Variants in UNC13C observed in about 807,000 individuals in gnomAD.
The protein encoded by UNC13C is unc-13 homolog C, also known as protein unc-13 homolog C.
UNC13C carries 174 observed loss-of-function variants against 245.4 expected under a neutral mutation model. That is an observed-to-expected ratio of 0.71 (90% confidence interval 0.63 to 0.80). The LOEUF is 0.80. Ranked by LOEUF, UNC13C falls within the 30% of genes least tolerant of loss-of-function variation. The pLI, the probability that UNC13C is intolerant of heterozygous loss-of-function variation, is 0.00. For missense variants in UNC13C, 2,829 were observed against 2,602.9 expected (o/e 1.09, Z -1.89); for synonymous variants, 992 against 895.1 (o/e 1.11, Z -1.93).
chr15:54,322,664 A>G (rs1296580323), intron 14 of UNC13C, among the ~76,000 whole-genome samples: 2 of 152,038 alleles, frequency 1.3e-5, no homozygotes, highest in Admixed American at 1.3e-4. Context: ...CAGGGAATCA[A>G]AGGAGCCCCA....
At chr15:53,938,793 T>G in the UNC13C span, among the ~76,000 whole-genome samples, 1 of 152,250 alleles carries the variant, frequency 6.6e-6, no homozygotes, top group South Asian at 2.1e-4. Context: ...AATCAAGAAG[T>G]TTGTTTGTAC....
At chr15:54,426,809 T>C (rs1474275832) in intron 19 of UNC13C, among the ~76,000 whole-genome samples, 1 of 151,802 alleles carries the variant, frequency 6.6e-6, no homozygotes, top group Non-Finnish European at 1.5e-5. Flanking sequence ...GTACATCAAT[T>C]TATTCTTCTG....
Position 54,332,043 on chromosome 15 carries a change from A to T in UNC13C, c.4426A>T (p.Arg1476Trp). Reference sequence around the variant, plus strand: ...CCTATTTTGTGTTTGCTTTGTACAGAGGGAAAAATTCATAAAACTACTGGA... The same window carrying T: ...CCTATTTTGTGTTTGCTTTGTACAGTGGGAAAAATTCATAAAACTACTGGA... ...SDRFAATNFG[R>W]EKFIKLLDQL... Residue 1476 changes from arginine (R) to tryptophan (W), a missense_variant and splice_region_variant, in exon 15 of 33, where the codon AGG becomes TGG. By Grantham distance (101) the Arg-to-Trp change is moderately radical. Coordinates refer to ENST00000260323, the MANE Select transcript of UNC13C (RefSeq NM_001080534.3). 6.3e-6 allele frequency: 10 copies of T among 1,575,808 alleles called. No homozygotes were observed. Among genetic ancestry groups the T allele is most frequent in the Non-Finnish European group, 8.6e-6 (10 of 1,158,628 alleles).
At chr15:54,220,232 G>T (rs950437100) in intron 4 of UNC13C, among the ~76,000 whole-genome samples, 2 of 150,666 alleles carry the variant, frequency 1.3e-5, no homozygotes, top group East Asian at 3.9e-4. Context: ...TTAAGAAAAT[G>T]TGGCACATAT....
At chr15:54,552,527 A>T (rs555991971) in intron 28 of UNC13C, among the ~76,000 whole-genome samples, 411 of 7,506 alleles carry the variant, frequency 0.055, 13 homozygotes, top group East Asian at 0.11. Flanking sequence ...TATTATATAT[A>T]ATAATATAAT....
At chr15:54,190,968 C>G (rs1023995642) in intron 4 of UNC13C, among the ~76,000 whole-genome samples, 1 of 151,984 alleles carries the variant, frequency 6.6e-6, no homozygotes, top group South Asian at 2.1e-4. Flanking sequence ...TATGTATGCA[C>G]TTTCCGTAAT....
At chr15:54,242,834 T>A (rs2035889977) in intron 7 of UNC13C, among the ~76,000 whole-genome samples, 1 of 152,192 alleles carries the variant, frequency 6.6e-6, no homozygotes, top group African/African-American at 2.4e-5. Flanking sequence ...TGATTAACAA[T>A]TTTTCACCAC....
chr15:54,537,468 A>G (rs1896033770), intron 26 of UNC13C, among the ~76,000 whole-genome samples: 2 of 152,112 alleles, frequency 1.3e-5, no homozygotes, highest in African/African-American at 4.8e-5. Context: ...TTTTCACAGA[A>G]TTAGAAAAAA....
intron 13 of UNC13C, among the ~76,000 whole-genome samples, chr15:54,310,620 G>T (rs906845228): frequency 9.9e-5 from 15 of 151,682 alleles, no homozygotes; most frequent in Non-Finnish European, 2.2e-4. Context: ...GAATCTAGAA[G>T]TGATGAAGTC....
intron 19 of UNC13C, among the ~76,000 whole-genome samples, chr15:54,481,634 G>T (rs1219584777): frequency 1.3e-5 from 2 of 152,102 alleles, no homozygotes; most frequent in East Asian, 3.9e-4. Flanking sequence ...TGCTGCAGCT[G>T]CTTGGGTTTT....
chr15:54,451,998 T>C (rs1324863102), intron 19 of UNC13C, among the ~76,000 whole-genome samples: 2 of 152,198 alleles, frequency 1.3e-5, no homozygotes, highest in Non-Finnish European at 2.9e-5. Context: ...CATGCAGTAG[T>C]GTATTATTTG....
At chr15:54,069,768 T>C (rs1023610705) in intron 2 of UNC13C, among the ~76,000 whole-genome samples, 5 of 152,328 alleles carry the variant, frequency 3.3e-5, no homozygotes, top group Middle Eastern at 3.4e-3. Context: ...GTGAAGTAGA[T>C]ATACCTGACC....
intron 19 of UNC13C, among the ~76,000 whole-genome samples, chr15:54,485,045 C>A (rs375477205): frequency 6.6e-6 from 1 of 151,654 alleles, no homozygotes; most frequent in Non-Finnish European, 1.5e-5. Context: ...AAAAAATTTA[C>A]TGACACAATC....
At chr15:53,915,593 G>A in the UNC13C span, among the ~76,000 whole-genome samples, 1 of 152,040 alleles carries the variant, frequency 6.6e-6, no homozygotes, top group Non-Finnish European at 1.5e-5. Context: ...ATGGCAAATA[G>A]GCAAAATATT....
intron 10 of UNC13C, among the ~76,000 whole-genome samples, chr15:54,280,785 CAT>C (rs142960519): frequency 1.7e-3 from 244 of 142,392 alleles, no homozygotes; most frequent in African/African-American, 4.9e-3. Context: ...TATATATACA[CAT>C]ATATATATAT....
At position 54,235,066 on chromosome 15, in the gene UNC13C, G is replaced by T. The variant is rs202150708; in HGVS notation, c.3108G>T (p.Pro1036=). The T allele has an allele frequency of 6.2e-7, 1 of 1,613,776 alleles. No homozygotes were observed. Among genetic ancestry groups the T allele is most frequent in the Admixed American group, 1.7e-5 (1 of 60,012 alleles). The part of the protein sequence containing the change: ...GGGLYGIDSM[P]DLRRKKTLPI... ...GACTTTATGGTATTGACAGCATGCC[G>T]GATCTTCGCAGAAAAAAAACTTTGC... Residue 1036 remains proline, a synonymous_variant, in exon 5 of 33, where the codon CCG becomes CCT. Coordinates refer to ENST00000260323, the MANE Select transcript of UNC13C (RefSeq NM_001080534.3).
intron 4 of UNC13C, among the ~76,000 whole-genome samples, chr15:54,219,088 G>GA (rs1333169011): frequency 6.6e-6 from 1 of 151,348 alleles, no homozygotes; most frequent in African/African-American, 2.5e-5. Flanking sequence ...CACAGAATTT[G>GA]AAAAAACTAC....
At chr15:54,347,548 G>T (rs1259606131) in intron 17 of UNC13C, among the ~76,000 whole-genome samples, 1 of 152,084 alleles carries the variant, frequency 6.6e-6, no homozygotes, top group Non-Finnish European at 1.5e-5. Flanking sequence ...TTTTGAATCT[G>T]ATTAGAAGGT....
intron 14 of UNC13C, among the ~76,000 whole-genome samples, chr15:54,329,086 T>A (rs34305854): frequency 6.8e-6 from 1 of 146,312 alleles, no homozygotes; most frequent in South Asian, 2.1e-4. Context: ...ACCAAGTTTT[T>A]TTTTTTTTTT....
Sources: allele counts gnomAD v4.1 joint callset (sites outside exome capture counted in the v4.1 genomes callset), GRCh38; gene constraint gnomAD v4.1.1; transcripts MANE v1.5; gene names NCBI Gene and HGNC (gene_info 2026-07-23, HGNC 2026-07-21).